ALOX5: variants seen among roughly 807,000 people sequenced by gnomAD.
ALOX5 encodes the protein arachidonate 5-lipoxygenase.
In ALOX5, 64 loss-of-function variants were observed where a neutral mutation model predicts 87.9. The observed-to-expected ratio is 0.73, with a 90% CI of 0.60 to 0.90. The LOEUF (loss-of-function observed/expected upper bound fraction) is 0.90, where lower values mean the gene tolerates loss of function less well. ALOX5 is among the 40% of genes least tolerant of loss of function. The pLI is 0.00. For missense variants in ALOX5, 822 were observed against 907.5 expected, an observed-to-expected ratio of 0.91 and a Z score of 1.21; for synonymous variants, 388 against 355.1, an observed-to-expected ratio of 1.09 and a Z score of -1.04.
intron 3 of ALOX5, among the ~76,000 whole-genome samples, chr10:45,408,407 C>A: frequency 6.6e-6 from 1 of 152,148 alleles, no homozygotes; most frequent in South Asian, 2.1e-4. Context: ...TAGGCAGATT[C>A]AAAGAGTTTC....
chr10:45,441,528 A>G, intron 9 of ALOX5, 98 bp downstream of exon 9: 2 of 1,264,234 alleles, frequency 1.6e-6, no homozygotes, highest in African/African-American at 1.5e-5. Context: ...GAGGCCTGGA[A>G]GGGTGAAGGC....
At chr10:45,427,934 T>C (rs1038587493) in intron 6 of ALOX5, among the ~76,000 whole-genome samples, 1 of 151,994 alleles carries the variant, frequency 6.6e-6, no homozygotes, top group Non-Finnish European at 1.5e-5. Context: ...GTCGCCAGTC[T>C]CAGACCAGGG....
intron 8 of ALOX5, among the ~76,000 whole-genome samples, chr10:45,440,908 C>T (rs940476158): frequency 7.2e-5 from 11 of 152,230 alleles, no homozygotes; most frequent in Non-Finnish European, 1.2e-4. Context: ...CATGGTGATC[C>T]TCGGCTGATG....
chr10:45,437,429 TAAG>T (rs1842092615), intron 7 of ALOX5, among the ~76,000 whole-genome samples: 1 of 152,354 alleles, frequency 6.6e-6, no homozygotes, highest in Admixed American at 6.5e-5. Flanking sequence ...TTTTTTTTGT[TAAG>T]GAGTAAATTA....
chr10:45,441,612 C>A, intron 9 of ALOX5, 182 bp downstream of exon 9: 1 of 557,412 alleles, frequency 1.8e-6, no homozygotes, highest in Non-Finnish European at 3.1e-6. Flanking sequence ...CAGGAGCACT[C>A]CTCCAGGCGC....
chr10:45,382,483 G>A lies in ALOX5; in HGVS notation c.151G>A (p.Val51Met), dbSNP rs1370421541. The A allele has an allele frequency of 6.2e-7, 1 of 1,614,052 alleles. No homozygotes were observed. The highest frequency in any genetic ancestry group is 1.1e-5 in the South Asian group (1 of 91,090). ...PFYNDFERGAVDSYDVTVDEE... is the reference protein window; with the variant it reads ...PFYNDFERGAMDSYDVTVDEE... ...CCTGATTGCCTGTTCTCCTTCCCAGGTGGATTCATACGACGTGACTGTGGA... is the reference window on the plus strand; with the variant it reads ...CCTGATTGCCTGTTCTCCTTCCCAGATGGATTCATACGACGTGACTGTGGA... The change falls in exon 2 of 14, where the codon GTG becomes ATG. Residue 51 changes from valine (V) to methionine (M), a missense_variant and splice_region_variant. Transcript: ENST00000374391.
chr10:45,429,945 C>A (rs1288510467), intron 7 of ALOX5, among the ~76,000 whole-genome samples: 1 of 152,148 alleles, frequency 6.6e-6, no homozygotes. Context: ...AGCCACAGAG[C>A]TAGGATTCAA....
chr10:45,416,681 C>A (rs1589023263), intron 4 of ALOX5, among the ~76,000 whole-genome samples: 1 of 151,648 alleles, frequency 6.6e-6, no homozygotes, highest in East Asian at 1.9e-4. Context: ...GATGGACAGG[C>A]AGATGGATGG....
chr10:45,431,717 C>T (rs935166965), intron 7 of ALOX5, among the ~76,000 whole-genome samples: 1 of 151,976 alleles, frequency 6.6e-6, no homozygotes, highest in Non-Finnish European at 1.5e-5. Context: ...GGATTACAGG[C>T]ACCTGCCACC....
At chr10:45,375,062 G>A (rs1278844471) in intron 1 of ALOX5, among the ~76,000 whole-genome samples, 2 of 152,174 alleles carry the variant, frequency 1.3e-5, no homozygotes, top group Non-Finnish European at 2.9e-5. Context: ...GTGAGCCCAG[G>A]CCCATCTGGT....
intron 4 of ALOX5, 135 bp from the exon 5 acceptor site, chr10:45,423,906 A>C: frequency 1.4e-6 from 1 of 699,866 alleles, no homozygotes; most frequent in Non-Finnish European, 2.5e-6. Flanking sequence ...GGTTCTGAAA[A>C]GCCAGTCACC....
At chr10:45,415,445 A>G (rs1423625624) in intron 4 of ALOX5, among the ~76,000 whole-genome samples, 4 of 151,980 alleles carry the variant, frequency 2.6e-5, no homozygotes, top group Non-Finnish European at 4.4e-5. Flanking sequence ...TGGGGTGGGG[A>G]GAGGGGGGAG....
chr10:45,423,918 A>T, intron 4 of ALOX5, 123 bp from the exon 5 acceptor site: 2 of 735,096 alleles, frequency 2.7e-6, no homozygotes, highest in Non-Finnish European at 4.8e-6. Context: ...CCAGTCACCT[A>T]CCTCTGCAGA....
chr10:45,395,507 A>G (rs1347458792), intron 2 of ALOX5, among the ~76,000 whole-genome samples: 2 of 152,178 alleles, frequency 1.3e-5, no homozygotes, highest in African/African-American at 4.8e-5. Context: ...ACTAATGTAA[A>G]TGACGAGTTA....
intron 7 of ALOX5, among the ~76,000 whole-genome samples, chr10:45,438,458 CA>C (rs1265247390): frequency 6.6e-6 from 1 of 152,126 alleles, no homozygotes; most frequent in Admixed American, 6.5e-5. Flanking sequence ...TAGCACACAA[CA>C]GGGGGGCTCC....
intron 2 of ALOX5, among the ~76,000 whole-genome samples, chr10:45,387,711 G>T (rs567726025): frequency 2.0e-5 from 3 of 152,342 alleles, no homozygotes; most frequent in East Asian, 1.9e-4. Context: ...GGGCCCCAAG[G>T]CTTGCTGAGT....
chr10:45,383,831 T>C (rs542744604), intron 2 of ALOX5, among the ~76,000 whole-genome samples: 53 of 152,180 alleles, frequency 3.5e-4, no homozygotes, highest in African/African-American at 1.2e-3. Flanking sequence ...GGAAAAAAAA[T>C]CACAAAGTTC....
chr10:45,409,209 C>T (rs1160548107), intron 3 of ALOX5, among the ~76,000 whole-genome samples: 1 of 152,218 alleles, frequency 6.6e-6, no homozygotes, highest in African/African-American at 2.4e-5. Context: ...CTGTACATCA[C>T]GTTCCTTTTT....
chr10:45,443,965 C>T lies in ALOX5; in HGVS notation c.1674+137C>T, dbSNP rs1842342085. 4 of 1,434,168 alleles carry T rather than the reference C, an allele frequency of 2.8e-6. No individual in the cohort carries two copies. In the African/African-American group the frequency reaches 4.3e-5, roughly 15 times the overall value. 88.8% of individuals were successfully genotyped at this position (1,434,168 alleles called of 1,614,324 possible). On this transcript the variant is annotated intron_variant, in intron 12 of 13. Coordinates refer to ENST00000374391, the MANE Select transcript of ALOX5 (RefSeq NM_000698.5). ...CGGGACTTGCAGGATGGATTCTGCC[C>T]GCTCAGCCAAGGGCGCTGGCCGCGG...
Sources: gnomAD v4.1 joint callset for allele counts (sites outside exome capture counted in the v4.1 genomes callset) on GRCh38, gnomAD v4.1.1 for gene constraint, MANE v1.5 for transcripts, NCBI Gene and HGNC (gene_info 2026-07-23, HGNC 2026-07-21) for gene names.